Variants in ZNF816 observed in about 807,000 individuals in gnomAD.
ZNF816 encodes zinc finger protein 816, also known as zinc finger protein 816A.
In ZNF816, 11 loss-of-function variants were observed where a neutral mutation model predicts 8.3. The ratio of observed to expected loss-of-function variants is 1.32; its 90% CI spans 0.83 to 2.19. The LOEUF (loss-of-function observed/expected upper bound fraction) is 2.19. Among genes scored for constraint, ZNF816 ranks in the 30% most tolerant of loss-of-function variants. ZNF816 has a pLI of 0.00. For missense variants in ZNF816, 710 were observed against 779.3 expected (o/e 0.91, Z 1.06); for synonymous variants, 255 against 254.5 (o/e 1.00, Z -0.02).
In ZNF816 at chr19:52,949,752, C is replaced by G; in HGVS notation, c.*67G>C. On this transcript the variant is annotated 3_prime_UTR_variant, in exon 4 of 4. Coordinates refer to ENST00000444460, the MANE Select transcript of ZNF816 (RefSeq NM_001202457.3). The stretch of plus-strand genomic sequence containing the variant: ...CCACATTTATTACACTTGTAGATCT[C>G]TCTTCAATATGGATTCTGTAATGAT... 6.2e-7 allele frequency: 1 copy of G among 1,608,838 alleles called. No individual in the cohort carries two copies.
In ZNF816 at chr19:52,951,323, G is replaced by A; in HGVS notation, c.452C>T (p.Pro151Leu). 1 of 1,614,190 alleles carries A rather than the reference G, an allele frequency of 6.2e-7. No homozygotes were observed. Among genetic ancestry groups the A allele is most frequent in the South Asian group, 1.1e-5 (1 of 91,088 alleles). The change falls in exon 4 of 4, where the codon CCT becomes CTT. Residue 151 changes from proline (P) to leucine (L), a missense_variant. By Grantham distance (98) the Pro-to-Leu change is moderately conservative. Transcript: ENST00000444460. ...GCTTAATCCAAGCTGATCTTTAATAGGCTTGTTTCCAGCATGCCTGTGATC... is the reference window on the plus strand; with the variant it reads ...GCTTAATCCAAGCTGATCTTTAATAAGCTTGTTTCCAGCATGCCTGTGATC... The part of the protein sequence containing the change: ...RSDHRHAGNK[P>L]IKDQLGLSFH...
chr19:52,962,185 G>GACTAT (rs1272578663), intron 1 of ZNF816, among the ~76,000 whole-genome samples: 1 of 152,010 alleles, frequency 6.6e-6, no homozygotes. Context: ...CAGGCACAGA[G>GACTAT]ACTATACTAT....
intron 2 of ZNF816, among the ~76,000 whole-genome samples, chr19:52,954,605 A>T (rs2083493412): frequency 1.3e-5 from 2 of 152,148 alleles, no homozygotes; most frequent in African/African-American, 4.8e-5. Context: ...TGGAAGGATC[A>T]CTTGAGGCCA....
At chr19:52,960,269 T>G (rs757225838) in intron 1 of ZNF816, 13 of 268,438 alleles carry the variant, frequency 4.8e-5, no homozygotes, top group Non-Finnish European at 7.4e-5. Context: ...CCAGGTGGAC[T>G]TCACAGAAAT....
chr19:52,956,191 C>T (rs894600421), intron 1 of ZNF816, 87 bp from the exon 2 acceptor site: 2 of 1,446,986 alleles, frequency 1.4e-6, no homozygotes, highest in Admixed American at 4.5e-5. Context: ...GGAAACCTCA[C>T]CCGAGAGAAA....
intron 1 of ZNF816, chr19:52,960,236 GA>G: frequency 3.6e-6 from 1 of 280,452 alleles, no homozygotes; most frequent in South Asian, 3.5e-5. Context: ...ACAAGCTTAT[GA>G]AGCAGCCCCC....
intron 2 of ZNF816, 117 bp downstream of exon 2, chr19:52,955,910 G>A (rs2083506074): frequency 1.5e-6 from 2 of 1,320,284 alleles, no homozygotes; most frequent in East Asian, 2.3e-5. Context: ...AGACACGGGT[G>A]AGTGCGAGCA....
chr19:52,953,523 T>TTATAATA (rs931072641), intron 2 of ZNF816: 1 of 44,966 alleles, frequency 2.2e-5, no homozygotes, highest in East Asian at 4.2e-4. Flanking sequence ...TAATATATAT[T>TTATAATA]TATAATATAT....
chr19:52,953,665 CAT>C (rs1483202769), intron 2 of ZNF816, among the ~76,000 whole-genome samples: 1 of 135,730 alleles, frequency 7.4e-6, no homozygotes. Flanking sequence ...AATATTGTAT[CAT>C]ATATTATATA....
intron 2 of ZNF816, 21 bp from the exon 3 acceptor site, chr19:52,952,898 CAACAAAA>C: frequency 5.0e-6 from 8 of 1,584,830 alleles, no homozygotes; most frequent in Non-Finnish European, 6.8e-6. Context: ...AAACACGTTT[CAACAAAA>C]CATTATGGAG....
rs909456225 is a variant in ZNF816 at position 52,950,597 on chromosome 19, C to G, written c.1178G>C (p.Gly393Ala). The change falls in exon 4 of 4, where the codon GGA (glycine) becomes GCA (alanine). Residue 393 changes from glycine to alanine, a missense_variant. Physicochemically the swap from Gly to Ala is moderately conservative, Grantham distance 60. Transcript: ENST00000444460. ...TTCTTCACATTTGTAAGGTTTCTCT[C>G]CAGTGTGAAGTATATGATGGCATTG... is the stretch of plus-strand genomic sequence containing the variant. ...SLQCHHILHT[G>A]EKPYKCEECD... 3.7e-6 allele frequency: 6 copies of G among 1,614,042 alleles called. No individual in the cohort carries two copies. The African/African-American group carries it at 8.0e-5, about 22-fold the overall frequency.
At chr19:52,962,647 C>T (rs930271401) in intron 1 of ZNF816, 80 bp downstream of exon 1, 5 of 152,258 alleles carry the variant, frequency 3.3e-5, no homozygotes, top group African/African-American at 7.2e-5. Flanking sequence ...GTCTGCACGG[C>T]CCCACTGCAG....
At position 52,957,679 on chromosome 19, in the gene ZNF816, A is replaced by G. The variant is rs1232528879; in HGVS notation, c.-15-1575T>C. Among the ~76,000 whole-genome samples, 2 of 152,220 alleles carry G rather than the reference A, an allele frequency of 1.3e-5. No homozygotes were observed. The highest frequency in any genetic ancestry group is 2.9e-5 in the Non-Finnish European group (2 of 68,040). ...CCCCCTTTCCAAAAAGACTATTGTT[A>G]TAATCGGAGCCATGGGAGTTTTATC... On this transcript the variant is annotated intron_variant, in intron 1 of 3. Transcript: ENST00000444460. This position sits in a 1 kb window ranked among gnomAD's most constrained non-coding sequence, Gnocchi z 4.6.
At position 52,949,805 on chromosome 19, in the gene ZNF816, C is replaced by T. The variant is rs1199446090; in HGVS notation, c.*14G>A. ...GCAATGGTTGTAGCATTACTGAAGA[C>T]TTTGTGACAATCATTACATTTGTAA... On this transcript the variant is annotated 3_prime_UTR_variant, in exon 4 of 4. Transcript: ENST00000444460. 6.2e-7 allele frequency: 1 copy of T among 1,613,274 alleles called. No individual in the cohort carries two copies. The highest frequency in any genetic ancestry group is 8.5e-7 in the Non-Finnish European group (1 of 1,179,604).
intron 2 of ZNF816, 122 bp downstream of exon 2, chr19:52,955,905 C>T (rs563111252): frequency 2.7e-5 from 35 of 1,286,070 alleles, no homozygotes; most frequent in Admixed American, 1.1e-4. Context: ...AGAAAAGACA[C>T]GGGTGAGTGC....
chr19:52,949,914 A>G lies in ZNF816; in HGVS notation c.1861T>C (p.Tyr621His). The change falls in exon 4 of 4, where the codon TAC (tyrosine) becomes CAC (histidine). Residue 621 changes from tyrosine (Y) to histidine (H), a missense_variant. Coordinates refer to ENST00000444460, the MANE Select transcript of ZNF816 (RefSeq NM_001202457.3). The stretch of plus-strand genomic sequence containing the variant: ...GCTTTGCCACACTCATTACACTTGT[A>G]AGGTTTCTCTGCAGTATGAACTCTC... ...HQRVHTAEKPYKCNECGKAFT... is the reference protein window; with the variant it reads ...HQRVHTAEKPHKCNECGKAFT... 4 of 1,613,902 alleles carry G rather than the reference A, an allele frequency of 2.5e-6. No homozygotes were observed. The highest frequency in any genetic ancestry group is 3.4e-6 in the Non-Finnish European group (4 of 1,179,842).
At chr19:52,955,059 A>G (rs957752354) in intron 2 of ZNF816, among the ~76,000 whole-genome samples, 13 of 152,126 alleles carry the variant, frequency 8.5e-5, no homozygotes, top group Non-Finnish European at 1.8e-4. Context: ...AGAATTACTT[A>G]ATAATAATGG....
At chr19:52,954,899 G>A (rs1295573164) in intron 2 of ZNF816, among the ~76,000 whole-genome samples, 8 of 150,774 alleles carry the variant, frequency 5.3e-5, no homozygotes, top group Non-Finnish European at 7.4e-5. Flanking sequence ...AAAGGATTGC[G>A]CCGACTTGCC....
At position 52,955,899 on chromosome 19, in the gene ZNF816, A is replaced by G. The variant is rs1298694230; in HGVS notation, c.63+128T>C. ...AAGTGAAGATGAGAGGGACTGAGAA[A>G]AGACACGGGTGAGTGCGAGCAAACG... On this transcript the variant is annotated intron_variant, in intron 2 of 3. Coordinates refer to ENST00000444460, the MANE Select transcript of ZNF816 (RefSeq NM_001202457.3). 9 of 1,246,914 alleles carry G rather than the reference A, an allele frequency of 7.2e-6. No individual in the cohort carries two copies. The Admixed American group carries it at 1.6e-4, about 22-fold the overall frequency. The allele number at this position is 1,246,914 out of a possible 1,614,324, so 77.2% of individuals were successfully genotyped here.
Sources: gnomAD v4.1 joint callset for allele counts (sites outside exome capture counted in the v4.1 genomes callset) on GRCh38, gnomAD v4.1.1 for gene constraint, Gnocchi (gnomAD v3.1) non-coding constraint, MANE v1.5 for transcripts, NCBI Gene and HGNC (gene_info 2026-07-23, HGNC 2026-07-21) for gene names.